Variants in CFAP299 observed in about 807,000 individuals in gnomAD.
The protein encoded by CFAP299 is cilia and flagella associated protein 299, also known as cilia- and flagella-associated protein 299.
Under a neutral mutation model 27.0 loss-of-function variants are expected in CFAP299, and 21 were observed. That is an observed-to-expected ratio of 0.78 (90% CI 0.55 to 1.12). The LOEUF (loss-of-function observed/expected upper bound fraction) is 1.12. Ranked by LOEUF, CFAP299 falls within the 50% of genes most tolerant of loss-of-function variation. CFAP299 has a pLI of 0.00. For synonymous variants in CFAP299, 104 were observed against 98.1 expected (o/e 1.06, Z -0.36); for missense variants, 310 against 276.6 (o/e 1.12, Z -0.86).
chr4:80,620,405 C>A (rs1047863846), intron 3 of CFAP299, among the ~76,000 whole-genome samples: 1 of 152,078 alleles, frequency 6.6e-6, no homozygotes, highest in African/African-American at 2.4e-5. Flanking sequence ...CATGGAGTTG[C>A]CAGACATGGC....
upstream of CFAP299, among the ~76,000 whole-genome samples, chr4:80,331,003 A>G (rs992179187): frequency 6.6e-6 from 1 of 152,238 alleles, no homozygotes; most frequent in Non-Finnish European, 1.5e-5. Context: ...ACTTTATAAT[A>G]ATCAAGATAT....
intron 2 of CFAP299, among the ~76,000 whole-genome samples, chr4:80,400,247 T>C (rs1726073890): frequency 6.6e-6 from 1 of 152,178 alleles, no homozygotes; most frequent in African/African-American, 2.4e-5. Context: ...CTGATGTGTG[T>C]CAGGCACTGG....
chr4:80,352,520 T>C (rs966521348), intron 1 of CFAP299, among the ~76,000 whole-genome samples: 2 of 152,148 alleles, frequency 1.3e-5, no homozygotes, highest in African/African-American at 4.8e-5. Context: ...TGAGCCAAGA[T>C]TGTGCCAGTG....
chr4:80,688,952 GA>G (rs1258419732), intron 3 of CFAP299, among the ~76,000 whole-genome samples: 1 of 152,128 alleles, frequency 6.6e-6, no homozygotes, highest in Non-Finnish European at 1.5e-5. Context: ...AGCGATGGAA[GA>G]TGAAATGAAT....
intron 4 of CFAP299, among the ~76,000 whole-genome samples, chr4:80,888,514 A>G (rs1734083464): frequency 6.6e-6 from 1 of 152,138 alleles, no homozygotes; most frequent in African/African-American, 2.4e-5. Context: ...TCCCAATACA[A>G]TAATATCTGG....
intron 3 of CFAP299, among the ~76,000 whole-genome samples, chr4:80,861,589 C>G (rs369670226): frequency 6.6e-6 from 1 of 152,154 alleles, no homozygotes; most frequent in African/African-American, 2.4e-5. Flanking sequence ...ACCACTTGTT[C>G]TTCAAGCTAA....
At chr4:80,329,224 T>TATATATAC in the CFAP299 span, among the ~76,000 whole-genome samples, 1 of 148,908 alleles carries the variant, frequency 6.7e-6, no homozygotes, top group Non-Finnish European at 1.5e-5. Context: ...TATATATATA[T>TATATATAC]ATATATGTTA....
At chr4:80,322,834 C>T in the CFAP299 span, among the ~76,000 whole-genome samples, 9 of 152,252 alleles carry the variant, frequency 5.9e-5, no homozygotes, top group Non-Finnish European at 1.3e-4. Context: ...CAAATCACAC[C>T]ACATTACAGC....
intron 2 of CFAP299, among the ~76,000 whole-genome samples, chr4:80,482,662 C>T (rs1278653513): frequency 6.6e-6 from 1 of 152,088 alleles, no homozygotes; most frequent in Non-Finnish European, 1.5e-5. Flanking sequence ...CTAAGTCAGG[C>T]ACTGTGCTCA....
At chr4:80,466,977 A>T (rs1299451463) in intron 2 of CFAP299, among the ~76,000 whole-genome samples, 1 of 152,238 alleles carries the variant, frequency 6.6e-6, no homozygotes, top group Admixed American at 6.5e-5. Flanking sequence ...GATGGCTCTC[A>T]ATTTTACATA....
At chr4:80,423,789 C>T (rs1329954331) in intron 2 of CFAP299, among the ~76,000 whole-genome samples, 1 of 152,118 alleles carries the variant, frequency 6.6e-6, no homozygotes, top group Non-Finnish European at 1.5e-5. Context: ...GTGACTCACC[C>T]ACTGTATAAA....
rs548109867 is a variant in CFAP299 at position 80,902,127 on chromosome 4, G to C, written c.476+31992G>C. On this transcript the variant is annotated intron_variant, in intron 4 of 5. Transcript: ENST00000358105. ...CTTTCTCACTGAAGGATGTTCTGAA[G>C]TTACATTTCTTCTATGAGAAAAATC... 8.6e-5 allele frequency among the ~76,000 whole-genome samples: 13 copies of C among 151,848 alleles called. 1 individual carries two copies. The highest frequency in any genetic ancestry group is 3.1e-4 in the African/African-American group (13 of 41,466).
At chr4:80,439,173 T>C (rs986616322) in intron 2 of CFAP299, among the ~76,000 whole-genome samples, 2 of 152,240 alleles carry the variant, frequency 1.3e-5, no homozygotes, top group African/African-American at 4.8e-5. Context: ...ATTACTAAAT[T>C]GAGAACAATA....
rs546751831 is a variant in CFAP299, at chr4:80,669,092, T to A, written c.333+85909T>A. 1.6e-5 allele frequency among the ~76,000 whole-genome samples: 2 copies of A among 121,482 alleles called. 1 individual carries two copies. The highest frequency in any genetic ancestry group is 6.7e-4 in the South Asian group (2 of 3,004). The allele number at this position is 121,482 out of a possible 152,430, so 79.7% of individuals were successfully genotyped here. A position where few individuals can be genotyped will look rare whatever the true frequency, so the allele number is the denominator to read the frequency against. On this transcript the variant is annotated intron_variant, in intron 3 of 5. Transcript: ENST00000358105. ...TCTTTGTAGCTCTTGTAAATAAAAT[T>A]ACTTAATTTCTTTTTTCTTTTCTTT... is the stretch of plus-strand genomic sequence containing the variant.
chr4:80,573,330 G>T (rs911079230), intron 2 of CFAP299, among the ~76,000 whole-genome samples: 1 of 151,912 alleles, frequency 6.6e-6, no homozygotes, highest in Non-Finnish European at 1.5e-5. Context: ...TTAGATTTCA[G>T]CCTATACAAT....
At chr4:80,697,678 G>A (rs900371162) in intron 3 of CFAP299, among the ~76,000 whole-genome samples, 14 of 152,268 alleles carry the variant, frequency 9.2e-5, no homozygotes, top group Middle Eastern at 3.4e-3. Context: ...GCTTTGGACC[G>A]TGGTGAAATG....
chr4:80,781,372 G>T (rs369498683), intron 3 of CFAP299, among the ~76,000 whole-genome samples: 4 of 152,142 alleles, frequency 2.6e-5, no homozygotes, highest in African/African-American at 9.6e-5. Context: ...TAAGAGAGGT[G>T]TATGTGATAT....
intron 3 of CFAP299, among the ~76,000 whole-genome samples, chr4:80,840,638 AT>A (rs1046545147): frequency 6.6e-6 from 1 of 151,876 alleles, no homozygotes; most frequent in South Asian, 2.1e-4. Flanking sequence ...GTTTGTTTTG[AT>A]TTTTTTCCCC....
intron 3 of CFAP299, among the ~76,000 whole-genome samples, chr4:80,807,651 A>C (rs889533552): frequency 1.3e-5 from 2 of 152,102 alleles, no homozygotes; most frequent in Non-Finnish European, 2.9e-5. Flanking sequence ...TCCTGAAAAG[A>C]TGCTGTTGTT....
Sources: allele counts gnomAD v4.1 joint callset (sites outside exome capture counted in the v4.1 genomes callset), GRCh38; gene constraint gnomAD v4.1.1; transcripts MANE v1.5; gene names NCBI Gene and HGNC (gene_info 2026-07-23, HGNC 2026-07-21).